The following CSMD3 variants were observed in gnomAD, a reference collection of about 807,000 sequenced individuals.
The protein encoded by CSMD3 is CUB and Sushi multiple domains 3.
Under a neutral mutation model 435.2 loss-of-function variants are expected in CSMD3, and 177 were observed. The ratio of observed to expected loss-of-function variants is 0.41; its 90% CI spans 0.36 to 0.46. The LOEUF (loss-of-function observed/expected upper bound fraction) is 0.46, where lower values mean the gene tolerates loss of function less well. CSMD3 is among the 20% of genes least tolerant of loss of function. The probability of loss-of-function intolerance (pLI) is 0.34; values close to 1 mark genes in which losing one functional copy is unlikely to be tolerated. For synonymous variants in CSMD3, 1,656 were observed against 1,520.5 expected (o/e 1.09, Z -2.07); for missense variants, 4,265 against 4,504.6 (o/e 0.95, Z 1.52).
At chr8:113,257,593 T>C (rs1221553230) in intron 3 of CSMD3, among the ~76,000 whole-genome samples, 1 of 152,096 alleles carries the variant, frequency 6.6e-6, no homozygotes, top group Non-Finnish European at 1.5e-5. Flanking sequence ...ATATCCTTTA[T>C]AGGAAAGGAG....
chr8:112,900,056 C>A (rs1223282325), intron 10 of CSMD3, among the ~76,000 whole-genome samples: 1 of 150,888 alleles, frequency 6.6e-6, no homozygotes, highest in African/African-American at 2.4e-5. Flanking sequence ...CACATTTTTT[C>A]CAATCATTCT....
chr8:112,561,348 C>T (rs1369924363), intron 24 of CSMD3, among the ~76,000 whole-genome samples: 2 of 151,388 alleles, frequency 1.3e-5, no homozygotes, highest in African/African-American at 2.4e-5. Flanking sequence ...ACTGATAATC[C>T]CCATTACCTA....
rs191522286 is a variant in CSMD3 at position 113,376,087 on chromosome 8, T to G, written c.178+60590A>C. 2.8e-3 allele frequency among the ~76,000 whole-genome samples: 431 copies of G among 152,280 alleles called. 1 individual carries two copies. The highest frequency in any genetic ancestry group is 3.6e-3 in the Non-Finnish European group (246 of 68,008). On this transcript the variant is annotated intron_variant, in intron 1 of 70. Transcript: ENST00000297405. The stretch of plus-strand genomic sequence containing the variant: ...CTTATTTAAGATGAACTCAAGCTCA[T>G]TGTTTTAATGAGATGACTCAATGTC...
At chr8:112,510,262 A>G (rs549163959) in intron 28 of CSMD3, among the ~76,000 whole-genome samples, 3 of 152,334 alleles carry the variant, frequency 2.0e-5, no homozygotes, top group East Asian at 3.9e-4. Flanking sequence ...GTATATGCAT[A>G]AAATTCTGCA....
At chr8:112,276,728 C>T (rs1016366823) in intron 59 of CSMD3, among the ~76,000 whole-genome samples, 8 of 152,154 alleles carry the variant, frequency 5.3e-5, no homozygotes, top group Non-Finnish European at 4.4e-5. Context: ...CAAACTTCTG[C>T]CTGGACGTAC....
At chr8:112,797,416 A>G (rs1342292254) in intron 13 of CSMD3, among the ~76,000 whole-genome samples, 2 of 151,968 alleles carry the variant, frequency 1.3e-5, no homozygotes, top group South Asian at 4.1e-4. Flanking sequence ...AGTTTCAAAA[A>G]CACTCTCTTA....
At chr8:112,246,938 TA>T in intron 64 of CSMD3, 81 bp downstream of exon 64, 1 of 919,908 alleles carries the variant, frequency 1.1e-6, no homozygotes, top group Non-Finnish European at 1.8e-6. Context: ...CATATAGATG[TA>T]AATGTATTTG....
At chr8:112,398,554 C>T (rs371490236) in intron 35 of CSMD3, among the ~76,000 whole-genome samples, 8 of 152,288 alleles carry the variant, frequency 5.3e-5, no homozygotes, top group African/African-American at 1.9e-4. Context: ...TTGAAATCTA[C>T]ACAAAGGCAA....
chr8:112,623,947 C>T (rs1834279709), intron 22 of CSMD3, among the ~76,000 whole-genome samples: 1 of 151,848 alleles, frequency 6.6e-6, no homozygotes. Flanking sequence ...TTTAGAGTAT[C>T]CCAAATCTAG....
chr8:112,434,988 C>T (rs1199755988), intron 32 of CSMD3, among the ~76,000 whole-genome samples: 3 of 152,068 alleles, frequency 2.0e-5, no homozygotes, highest in Non-Finnish European at 4.4e-5. Context: ...TGACTGCATA[C>T]TTTCAGCAAA....
chr8:112,476,094 G>T (rs1276902228), intron 31 of CSMD3, among the ~76,000 whole-genome samples: 1 of 151,986 alleles, frequency 6.6e-6, no homozygotes, highest in Non-Finnish European at 1.5e-5. Flanking sequence ...TGCCCAGGCT[G>T]GAGTGCAATG....
chr8:113,300,779 C>T (rs1167390257), intron 2 of CSMD3, among the ~76,000 whole-genome samples: 1 of 151,978 alleles, frequency 6.6e-6, no homozygotes, highest in Non-Finnish European at 1.5e-5. Flanking sequence ...TATCCCAAAG[C>T]TCAGCAGCAA....
At chr8:113,205,033 G>T (rs2092755781) in intron 3 of CSMD3, among the ~76,000 whole-genome samples, 1 of 151,974 alleles carries the variant, frequency 6.6e-6, no homozygotes, top group South Asian at 2.1e-4. Flanking sequence ...GCTCAGGCTG[G>T]AGTGCAGTGG....
intron 22 of CSMD3, among the ~76,000 whole-genome samples, chr8:112,633,120 C>G (rs1420869527): frequency 6.6e-6 from 1 of 151,932 alleles, no homozygotes; most frequent in Non-Finnish European, 1.5e-5. Flanking sequence ...AAAACTTTTC[C>G]TGTTATACTC....
intron 35 of CSMD3, among the ~76,000 whole-genome samples, chr8:112,400,838 C>T (rs1056127150): frequency 3.9e-5 from 6 of 152,062 alleles, no homozygotes; most frequent in African/African-American, 1.4e-4. Context: ...ATTTGAAATA[C>T]AAAAACACTT....
chr8:112,840,382 T>C (rs1040892501), intron 11 of CSMD3, among the ~76,000 whole-genome samples: 4 of 151,772 alleles, frequency 2.6e-5, no homozygotes, highest in African/African-American at 7.2e-5. Flanking sequence ...CAGTGCTTTA[T>C]AGTTTTCATT....
intron 9 of CSMD3, among the ~76,000 whole-genome samples, chr8:112,932,587 G>A (rs891900009): frequency 1.3e-5 from 2 of 151,876 alleles, no homozygotes; most frequent in African/African-American, 4.8e-5. Flanking sequence ...GCAGTGAGGC[G>A]AGATTGTGCC....
intron 10 of CSMD3, among the ~76,000 whole-genome samples, chr8:112,875,146 A>C (rs1265675971): frequency 6.6e-6 from 1 of 152,038 alleles, no homozygotes; most frequent in East Asian, 1.9e-4. Context: ...TTCCTTGTCT[A>C]TAAATGATTT....
intron 38 of CSMD3, among the ~76,000 whole-genome samples, chr8:112,352,825 G>A (rs1474503818): frequency 6.6e-6 from 1 of 151,830 alleles, no homozygotes; most frequent in Non-Finnish European, 1.5e-5. Context: ...TTTCTACTGT[G>A]AAACAAAAGT....
Sources: gnomAD v4.1 joint callset for allele counts (sites outside exome capture counted in the v4.1 genomes callset) on GRCh38, gnomAD v4.1.1 for gene constraint, MANE v1.5 for transcripts, NCBI Gene and HGNC (gene_info 2026-07-23, HGNC 2026-07-21) for gene names.